CAMTA1: variants seen among roughly 807,000 people sequenced by gnomAD.
The protein encoded by CAMTA1 is calmodulin binding transcription activator 1, also known as calmodulin-binding transcription activator 1.
In CAMTA1, 27 loss-of-function variants were observed where a neutral mutation model predicts 170.9. The ratio of observed to expected loss-of-function variants is 0.16; its 90% CI spans 0.12 to 0.22. CAMTA1 has a LOEUF of 0.22. Ranked by LOEUF, CAMTA1 falls within the 10% of genes least tolerant of loss-of-function variation. The pLI, the probability that CAMTA1 is intolerant of heterozygous loss-of-function variation, is 1.00. For missense variants in CAMTA1, 1,619 were observed against 2,217.2 expected (o/e 0.73, Z 5.42); for synonymous variants, 833 against 891.5 (o/e 0.93, Z 1.17).
Position 7,234,992 on chromosome 1 carries a change from G to A in CAMTA1, c.303-14499G>A, listed in dbSNP as rs1441129340. ...AGTAGAGATGGGGTTTCACCATGTCGGTCAGGCTGGTCTCGAACTCCTGAC... is the reference window on the plus strand; with the variant it reads ...AGTAGAGATGGGGTTTCACCATGTCAGTCAGGCTGGTCTCGAACTCCTGAC... On this transcript the variant is annotated intron_variant, in intron 4 of 22. Transcript: ENST00000303635. This position sits in a 1 kb window ranked among gnomAD's most constrained non-coding sequence, Gnocchi z 5.0. Among the ~76,000 whole-genome samples the A allele has an allele frequency of 1.3e-5, 2 of 151,824 alleles. No homozygotes were observed. Among genetic ancestry groups the A allele is most frequent in the Non-Finnish European group, 2.9e-5 (2 of 67,978 alleles).
intron 3 of CAMTA1, among the ~76,000 whole-genome samples, chr1:7,005,313 G>T (rs759292974): frequency 6.6e-6 from 1 of 152,164 alleles, no homozygotes; most frequent in African/African-American, 2.4e-5. Context: ...GTTCTGAGTG[G>T]CCATGCAAAG....
intron 5 of CAMTA1, among the ~76,000 whole-genome samples, chr1:7,412,523 TG>T (rs1412065610): frequency 8.4e-4 from 128 of 152,370 alleles, no homozygotes; most frequent in Middle Eastern, 3.4e-3. Context: ...TGGTGAGCAT[TG>T]TTTCATGTGT....
chr1:6,940,925 A>G (rs1350714113), intron 3 of CAMTA1, among the ~76,000 whole-genome samples: 4 of 2,908 alleles, frequency 1.4e-3, no homozygotes, highest in African/African-American at 8.8e-3. Context: ...GGATCCTCAC[A>G]GGGAAAGGGG....
intron 4 of CAMTA1, among the ~76,000 whole-genome samples, chr1:7,196,636 C>G (rs1214579921): frequency 6.6e-6 from 1 of 152,106 alleles, no homozygotes; most frequent in South Asian, 2.1e-4. Flanking sequence ...GACAGGATTC[C>G]CTTGGGAACC....
At chr1:7,470,514 A>T (rs1283502037) in intron 6 of CAMTA1, among the ~76,000 whole-genome samples, 1 of 152,194 alleles carries the variant, frequency 6.6e-6, no homozygotes, top group Admixed American at 6.5e-5. Context: ...GGCAGTGCCC[A>T]TGTTGGGAGC....
Position 7,738,006 on chromosome 1 carries a change from A to C in CAMTA1, c.3706A>C (p.Ser1236Arg). Reference protein sequence around the residue: ...SEPSNYYSSESHKDYPAPKKH... With the variant: ...SEPSNYYSSERHKDYPAPKKH... ...ACCCTCTAATTACTACAGCAGTGAG[A>C]GCCACAAAGATTATCCGGCTCCCAA... The change falls in exon 16 of 23, where the codon AGC becomes CGC. Residue 1236 changes from serine to arginine, a missense_variant. Coordinates refer to ENST00000303635, the MANE Select transcript of CAMTA1 (RefSeq NM_015215.4). The surrounding 1 kb of genome is among the most constrained non-coding windows in gnomAD (Gnocchi z 4.9). 1 of 1,614,016 alleles carries C rather than the reference A, an allele frequency of 6.2e-7. No individual in the cohort carries two copies. Among genetic ancestry groups the C allele is most frequent in the Non-Finnish European group, 8.5e-7 (1 of 1,179,970 alleles).
chr1:7,417,900 T>C (rs1319110968), intron 5 of CAMTA1, among the ~76,000 whole-genome samples: 2 of 152,170 alleles, frequency 1.3e-5, no homozygotes, highest in Non-Finnish European at 2.9e-5. Context: ...GAGCTGTTCC[T>C]ATTTGGCCAT....
intron 3 of CAMTA1, among the ~76,000 whole-genome samples, chr1:7,030,754 G>A (rs4500344): frequency 6.6e-6 from 1 of 151,814 alleles, no homozygotes; most frequent in Non-Finnish European, 1.5e-5. Flanking sequence ...TGAAAAGAAT[G>A]TGTATATTGC....
intron 4 of CAMTA1, among the ~76,000 whole-genome samples, chr1:7,236,317 G>A (rs187179515): frequency 3.1e-4 from 47 of 151,624 alleles, no homozygotes; most frequent in Non-Finnish European, 5.0e-4. Flanking sequence ...CAGAGGAGAC[G>A]TTCCTTCATC....
chr1:7,549,907 C>G (rs2150171644), intron 6 of CAMTA1, among the ~76,000 whole-genome samples: 1 of 152,194 alleles, frequency 6.6e-6, no homozygotes, highest in Non-Finnish European at 1.5e-5. Context: ...GAGGCTGGCC[C>G]CATCTCAGAG....
chr1:6,809,330 A>G (rs938964618), intron 1 of CAMTA1, among the ~76,000 whole-genome samples: 15 of 152,096 alleles, frequency 9.9e-5, no homozygotes, highest in Admixed American at 5.9e-4. Flanking sequence ...CCTGGCCGGT[A>G]TCGCTGTTTT....
chr1:7,240,109 T>C (rs1664602469), intron 4 of CAMTA1, among the ~76,000 whole-genome samples: 1 of 152,188 alleles, frequency 6.6e-6, no homozygotes, highest in South Asian at 2.1e-4. Context: ...TGGTTGTCTC[T>C]CTTTTGTGAT....
chr1:7,476,834 A>T (rs568995310), intron 6 of CAMTA1, among the ~76,000 whole-genome samples: 15 of 152,300 alleles, frequency 9.8e-5, no homozygotes, highest in African/African-American at 2.9e-4. Context: ...CAATAACAAC[A>T]GTCATCGAAG....
In CAMTA1 at chr1:7,589,112, C is replaced by T. The variant is rs76568021; in HGVS notation, c.511-51288C>T. ...AGGGAATTGTAGTGCCATCACATTT[C>T]CCCCTTCTGGAGAAAGACGCTTGCC... On this transcript the variant is annotated intron_variant, in intron 6 of 22. Coordinates refer to ENST00000303635, the MANE Select transcript of CAMTA1 (RefSeq NM_015215.4). Among the ~76,000 whole-genome samples the T allele has an allele frequency of 2.4e-3, 365 of 152,330 alleles. 2 individuals are homozygous for T. Among genetic ancestry groups the T allele is most frequent in the African/African-American group, 8.5e-3 (355 of 41,586 alleles).
chr1:6,895,679 C>T (rs1217844295), intron 3 of CAMTA1, among the ~76,000 whole-genome samples: 3 of 152,118 alleles, frequency 2.0e-5, no homozygotes, highest in Admixed American at 6.5e-5. Flanking sequence ...TTTTTGCATT[C>T]GCTGTTTTCT....
chr1:7,324,082 A>G (rs1299991080), intron 5 of CAMTA1, among the ~76,000 whole-genome samples: 2 of 152,192 alleles, frequency 1.3e-5, no homozygotes, highest in East Asian at 3.9e-4. Flanking sequence ...AGACATGTAT[A>G]TTAAAATTTT....
intron 6 of CAMTA1, among the ~76,000 whole-genome samples, chr1:7,620,901 C>T (rs1183068328): frequency 1.3e-5 from 2 of 152,100 alleles, no homozygotes; most frequent in Admixed American, 6.5e-5. Flanking sequence ...TCAGACCAAG[C>T]CAGAAGGTCC....
chr1:7,504,101 G>T (rs905787939), intron 6 of CAMTA1, among the ~76,000 whole-genome samples: 2 of 152,194 alleles, frequency 1.3e-5, no homozygotes, highest in African/African-American at 4.8e-5. Context: ...GTGGGCAGTG[G>T]TGGGTTCTTA....
At chr1:7,612,670 A>G (rs2095531851) in intron 6 of CAMTA1, among the ~76,000 whole-genome samples, 1 of 152,170 alleles carries the variant, frequency 6.6e-6, no homozygotes, top group South Asian at 2.1e-4. Context: ...CAGGGGTCAC[A>G]GTGTGCATGG....
Sources: gnomAD v4.1 joint callset for allele counts (sites outside exome capture counted in the v4.1 genomes callset) on GRCh38, gnomAD v4.1.1 for gene constraint, Gnocchi (gnomAD v3.1) non-coding constraint, MANE v1.5 for transcripts, NCBI Gene and HGNC (gene_info 2026-07-23, HGNC 2026-07-21) for gene names.